HLCS: variants seen among roughly 807,000 people sequenced by gnomAD.
HLCS encodes the protein holocarboxylase synthetase.
HLCS carries 53 observed loss-of-function variants against 75.0 expected under a neutral mutation model. The observed-to-expected ratio is 0.71, with a 90% CI of 0.57 to 0.89. The LOEUF is 0.89. HLCS is among the 40% of genes least tolerant of loss of function. The pLI is 0.00. For missense variants in HLCS, 966 were observed against 1,074.0 expected (o/e 0.90, Z 1.41); for synonymous variants, 431 against 428.6 (o/e 1.01, Z -0.07).
At chr21:36,951,141 C>T (rs917286104) in intron 2 of HLCS, among the ~76,000 whole-genome samples, 3 of 152,186 alleles carry the variant, frequency 2.0e-5, no homozygotes, top group Non-Finnish European at 2.9e-5. Context: ...GTGATTCGAG[C>T]GTCTTAACTC....
intron 2 of HLCS, among the ~76,000 whole-genome samples, chr21:36,961,774 C>A (rs2068304201): frequency 6.6e-6 from 1 of 151,766 alleles, no homozygotes; most frequent in African/African-American, 2.4e-5. Context: ...GCCAACATGG[C>A]AAAACCCTGA....
At chr21:36,807,286 A>C (rs1294519143) in intron 6 of HLCS, among the ~76,000 whole-genome samples, 1 of 152,026 alleles carries the variant, frequency 6.6e-6, no homozygotes, top group African/African-American at 2.4e-5. Context: ...ATAAACCTGG[A>C]GCCCGATTCT....
At chr21:36,767,442 G>A (rs1208798306) in intron 6 of HLCS, among the ~76,000 whole-genome samples, 157 bp from the exon 7 acceptor site, 1 of 152,198 alleles carries the variant, frequency 6.6e-6, no homozygotes, top group African/African-American at 2.4e-5. Context: ...GTGGAGCCAT[G>A]AGGGATATCA....
rs2089354191 is a variant in HLCS, at chr21:36,751,238, C to T, written c.*3008G>A. On this transcript the variant is annotated 3_prime_UTR_variant, in exon 11 of 11. Coordinates refer to ENST00000674895, the MANE Select transcript of HLCS (RefSeq NM_001352514.2). ...TTTTGGTAGACTTGCTTTTTATAGGCATTGGTTTAAAGTGATTCTTTTCAG... is the reference window on the plus strand; with the variant it reads ...TTTTGGTAGACTTGCTTTTTATAGGTATTGGTTTAAAGTGATTCTTTTCAG... 6.6e-6 allele frequency: 1 copy of T among 152,598 alleles called. No individual in the cohort carries two copies. The highest frequency in any genetic ancestry group is 2.1e-4 in the South Asian group (1 of 4,830). The allele number at this position is 152,598 out of a possible 1,614,324, so 9.5% of individuals were successfully genotyped here. A position where few individuals can be genotyped will look rare whatever the true frequency, so the allele number is the denominator to read the frequency against.
At chr21:36,855,679 C>T (rs1309193444) in intron 6 of HLCS, among the ~76,000 whole-genome samples, 1 of 152,028 alleles carries the variant, frequency 6.6e-6, no homozygotes, top group African/African-American at 2.4e-5. Flanking sequence ...CAGGCTCAGG[C>T]GATACTCCCA....
chr21:36,907,945 C>T (rs1009221782), intron 5 of HLCS, among the ~76,000 whole-genome samples: 12 of 152,006 alleles, frequency 7.9e-5, no homozygotes, highest in Non-Finnish European at 1.8e-4. Flanking sequence ...AATTAGATAC[C>T]ACTATACATC....
At chr21:36,924,468 G>A (rs2066313050) in intron 5 of HLCS, among the ~76,000 whole-genome samples, 2 of 152,206 alleles carry the variant, frequency 1.3e-5, no homozygotes, top group East Asian at 1.9e-4. Flanking sequence ...GCTGAGGCAG[G>A]AGAATCGCTT....
intron 8 of HLCS, 55 bp from the exon 9 acceptor site, chr21:36,759,896 C>G: frequency 1.8e-6 from 2 of 1,097,598 alleles, no homozygotes; most frequent in Admixed American, 3.4e-5. Context: ...GGGGCCCAGG[C>G]AAGTCACTGA....
At chr21:36,823,610 G>GGTTGT (rs1555901720) in intron 6 of HLCS, among the ~76,000 whole-genome samples, 1 of 132,726 alleles carries the variant, frequency 7.5e-6, no homozygotes, top group African/African-American at 2.8e-5. Flanking sequence ...AAACGTGCAG[G>GGTTGT]GTGTGTGTGT....
At chr21:36,936,008 T>G (rs752739846) in intron 4 of HLCS, among the ~76,000 whole-genome samples, 7 of 152,204 alleles carry the variant, frequency 4.6e-5, no homozygotes, top group Non-Finnish European at 7.3e-5. Context: ...CTGCAGTATT[T>G]CATCGCAGTG....
At chr21:36,837,233 T>C (rs906022862) in intron 6 of HLCS, among the ~76,000 whole-genome samples, 2 of 152,210 alleles carry the variant, frequency 1.3e-5, no homozygotes, top group African/African-American at 4.8e-5. Flanking sequence ...ACATTCTTGG[T>C]ATTGGGACCT....
At chr21:36,838,369 T>A (rs2062493214) in intron 6 of HLCS, among the ~76,000 whole-genome samples, 1 of 151,002 alleles carries the variant, frequency 6.6e-6, no homozygotes, top group African/African-American at 2.4e-5. Flanking sequence ...CTGTAAATGT[T>A]TACTTACTTG....
Position 36,936,463 on chromosome 21 carries a change from C to T in HLCS, c.1423G>A (p.Ala475Thr), listed in dbSNP as rs1862941447. ...HVPFGTRGGEAVLCQVHLELP... is the reference protein window; with the variant it reads ...HVPFGTRGGETVLCQVHLELP... The stretch of plus-strand genomic sequence containing the variant: ...GCCCTGAGTACCTGGCAAAGAACAG[C>T]TTCTCCCCCGCGAGTTCCAAAAGGC... The change falls in exon 4 of 11, where the codon GCT becomes ACT. Residue 475 changes from alanine to threonine, a missense_variant. Physicochemically the swap from Ala to Thr is moderately conservative, Grantham distance 58. Coordinates refer to ENST00000674895, the MANE Select transcript of HLCS (RefSeq NM_001352514.2). The T allele has an allele frequency of 1.9e-6, 3 of 1,613,924 alleles. No individual in the cohort carries two copies. The highest frequency in any genetic ancestry group is 2.5e-6 in the Non-Finnish European group (3 of 1,179,886).
At chr21:36,758,153 C>A (rs2089678393) in intron 9 of HLCS, among the ~76,000 whole-genome samples, 1 of 152,062 alleles carries the variant, frequency 6.6e-6, no homozygotes, top group Non-Finnish European at 1.5e-5. Context: ...GTTGCCCAGA[C>A]TGGAGTGCAG....
intron 10 of HLCS, among the ~76,000 whole-genome samples, chr21:36,756,069 G>C (rs951402366): frequency 6.6e-6 from 1 of 152,106 alleles, no homozygotes; most frequent in Non-Finnish European, 1.5e-5. Context: ...CTTGGTCAAG[G>C]TGGTGTCCCT....
intron 6 of HLCS, among the ~76,000 whole-genome samples, chr21:36,891,442 G>C (rs2064780925): frequency 6.6e-6 from 1 of 152,334 alleles, no homozygotes; most frequent in African/African-American, 2.4e-5. Context: ...TGAACCGGGG[G>C]TGCTAGGTCT....
At chr21:36,907,961 G>A (rs2065532271) in intron 5 of HLCS, among the ~76,000 whole-genome samples, 1 of 151,760 alleles carries the variant, frequency 6.6e-6, no homozygotes. Context: ...ACATCCACCT[G>A]AATGGTTAAA....
chr21:36,780,364 G>A (rs2060490047), intron 6 of HLCS, among the ~76,000 whole-genome samples: 1 of 151,874 alleles, frequency 6.6e-6, no homozygotes, highest in African/African-American at 2.4e-5. Flanking sequence ...AACTACAGGT[G>A]CCCACCACCA....
At chr21:36,861,455 G>A (rs932969337) in intron 6 of HLCS, among the ~76,000 whole-genome samples, 8 of 152,078 alleles carry the variant, frequency 5.3e-5, no homozygotes, top group African/African-American at 1.9e-4. Context: ...AGGCAAACTC[G>A]TGTCAGAGGT....
Sources: allele counts gnomAD v4.1 joint callset (sites outside exome capture counted in the v4.1 genomes callset), GRCh38; gene constraint gnomAD v4.1.1; transcripts MANE v1.5; gene names NCBI Gene and HGNC (gene_info 2026-07-23, HGNC 2026-07-21).